HS6ST1: variants seen among roughly 807,000 people sequenced by gnomAD.
HS6ST1 encodes heparan-sulfate 6-O-sulfotransferase 1.
A neutral mutation model predicts 25.2 loss-of-function variants in HS6ST1; 3 were observed. That is an observed-to-expected ratio of 0.12 (90% CI 0.05 to 0.31). The LOEUF (loss-of-function observed/expected upper bound fraction) is 0.31, where lower values mean the gene tolerates loss of function less well. Among genes scored for constraint, HS6ST1 ranks in the 10% least tolerant of loss-of-function variants. The pLI is 1.00. For missense variants in HS6ST1, 310 were observed against 609.6 expected, an observed-to-expected ratio of 0.51 and a Z score of 5.18; for synonymous variants, 204 against 275.1, an observed-to-expected ratio of 0.74 and a Z score of 2.56.
intron 1 of HS6ST1, among the ~76,000 whole-genome samples, chr2:128,294,334 C>G (rs928960717): frequency 5.3e-5 from 8 of 152,216 alleles, no homozygotes; most frequent in African/African-American, 1.9e-4. Context: ...GCCCCGGGCC[C>G]TGCCCATGAA....
chr2:128,288,530 A>G (rs1267728493), intron 1 of HS6ST1, among the ~76,000 whole-genome samples: 1 of 152,218 alleles, frequency 6.6e-6, no homozygotes, highest in African/African-American at 2.4e-5. Flanking sequence ...TTGTGGGTAC[A>G]GCCTGATGCC....
chr2:128,286,695 C>T (rs1693867293), intron 1 of HS6ST1, among the ~76,000 whole-genome samples: 1 of 152,040 alleles, frequency 6.6e-6, no homozygotes, highest in African/African-American at 2.4e-5. Context: ...AAACAAGAGG[C>T]TTTATTAGCG....
At chr2:128,314,440 G>A (rs1020106798) in intron 1 of HS6ST1, among the ~76,000 whole-genome samples, 8 of 152,272 alleles carry the variant, frequency 5.3e-5, no homozygotes, top group Non-Finnish European at 7.4e-5. Context: ...CAGTCGAGGC[G>A]CCTAAGGCAA....
rs1693519368 is a variant in HS6ST1, at chr2:128,266,642, G to A, written c.*1520C>T. On this transcript the variant is annotated 3_prime_UTR_variant, in exon 2 of 2. Coordinates refer to ENST00000259241, the MANE Select transcript of HS6ST1 (RefSeq NM_004807.3). ...CAACTGTGGTGGCTGAGTGGAAGCT[G>A]GGGCAGGAGAGAGGACCCCCACCAA... 6.6e-6 allele frequency: 1 copy of A among 152,350 alleles called. No individual in the cohort carries two copies. Among genetic ancestry groups the A allele is most frequent in the Non-Finnish European group, 1.5e-5 (1 of 68,140 alleles). The allele number at this position is 152,350 out of a possible 1,614,324, so 9.4% of individuals were successfully genotyped here.
chr2:128,296,513 T>C (rs1323887625), intron 1 of HS6ST1, among the ~76,000 whole-genome samples: 2 of 152,258 alleles, frequency 1.3e-5, no homozygotes, highest in Admixed American at 1.3e-4. Context: ...ATAAACTAAC[T>C]TAACAATGTT....
intron 1 of HS6ST1, among the ~76,000 whole-genome samples, chr2:128,297,356 A>T (rs1478002827): frequency 6.6e-6 from 1 of 152,204 alleles, no homozygotes; most frequent in Non-Finnish European, 1.5e-5. Flanking sequence ...CTTATCTAAC[A>T]TTATACATAG....
At chr2:128,297,409 A>C (rs1694056574) in intron 1 of HS6ST1, among the ~76,000 whole-genome samples, 1 of 152,248 alleles carries the variant, frequency 6.6e-6, no homozygotes, top group Non-Finnish European at 1.5e-5. Context: ...TAAGACCTAA[A>C]ACTGTCAACT....
intron 1 of HS6ST1, among the ~76,000 whole-genome samples, chr2:128,296,962 C>A (rs1694047272): frequency 6.6e-6 from 1 of 152,060 alleles, no homozygotes; most frequent in Non-Finnish European, 1.5e-5. Flanking sequence ...TTTGGGAGGC[C>A]AATGAGGGAG....
intron 1 of HS6ST1, among the ~76,000 whole-genome samples, chr2:128,273,666 G>C (rs1693646667): frequency 1.3e-5 from 2 of 152,220 alleles, no homozygotes; most frequent in South Asian, 4.1e-4. Context: ...GCCATCCTCT[G>C]GTCTGGTGCC....
chr2:128,299,106 T>C (rs1241831526), intron 1 of HS6ST1, among the ~76,000 whole-genome samples: 1 of 152,174 alleles, frequency 6.6e-6, no homozygotes, highest in Non-Finnish European at 1.5e-5. Flanking sequence ...AGGGCCGAGG[T>C]GTGACCTAGC....
At position 128,280,731 on chromosome 2, in the gene HS6ST1, C is replaced by T. The variant is rs145539769; in HGVS notation, c.528-11861G>A. 8.6e-3 allele frequency among the ~76,000 whole-genome samples: 1,304 copies of T among 152,082 alleles called. 20 individuals carry two copies. The highest frequency in any genetic ancestry group is 0.028 in the African/African-American group (1,180 of 41,470). ...TTCATTAACTCAATCTGCTTCCAAA[C>T]ATACCCAGGTCTGGAGAGGGGCCCC... On this transcript the variant is annotated intron_variant, in intron 1 of 1. Transcript: ENST00000259241.
intron 1 of HS6ST1, among the ~76,000 whole-genome samples, chr2:128,283,019 GCTC>G (rs1693810213): frequency 6.6e-6 from 1 of 152,168 alleles, no homozygotes; most frequent in Non-Finnish European, 1.5e-5. Flanking sequence ...GACTCACTCA[GCTC>G]CTCCTCCAAA....
At chr2:128,311,045 T>C (rs1004495216) in intron 1 of HS6ST1, among the ~76,000 whole-genome samples, 22 of 152,258 alleles carry the variant, frequency 1.4e-4, no homozygotes, top group Admixed American at 8.5e-4. Flanking sequence ...GGGAGGCTTT[T>C]CCACTCCCTC....
At chr2:128,299,727 C>G (rs1205908748) in intron 1 of HS6ST1, among the ~76,000 whole-genome samples, 1 of 152,204 alleles carries the variant, frequency 6.6e-6, no homozygotes, top group Non-Finnish European at 1.5e-5. Context: ...AAGACCCCAG[C>G]TGGCGGAGAG....
At chr2:128,275,723 AG>A (rs1693685249) in intron 1 of HS6ST1, among the ~76,000 whole-genome samples, 1 of 152,242 alleles carries the variant, frequency 6.6e-6, no homozygotes, top group South Asian at 2.1e-4. Context: ...GCACGAATGC[AG>A]GGCGATCTGC....
chr2:128,286,758 G>A (rs988317146), intron 1 of HS6ST1, among the ~76,000 whole-genome samples: 1 of 152,254 alleles, frequency 6.6e-6, no homozygotes, highest in Non-Finnish European at 1.5e-5. Flanking sequence ...CTGCAAGCGG[G>A]TGAAAATCTT....
intron 1 of HS6ST1, among the ~76,000 whole-genome samples, chr2:128,303,372 G>A (rs546283912): frequency 2.6e-5 from 4 of 152,256 alleles, no homozygotes; most frequent in Non-Finnish European, 5.9e-5. Context: ...CACCCTGAGG[G>A]CTGAGGACAG....
At position 128,283,144 on chromosome 2, in the gene HS6ST1, G is replaced by C. The variant is rs910171426; in HGVS notation, c.528-14274C>G. Reference sequence around the variant, plus strand: ...ACCCCTGCGAGCCCACTTTCCTGCAGTTGAAAAAGGCCAGGACTCTCTGGC... The same window carrying C: ...ACCCCTGCGAGCCCACTTTCCTGCACTTGAAAAAGGCCAGGACTCTCTGGC... On this transcript the variant is annotated intron_variant, in intron 1 of 1. Transcript: ENST00000259241. Among the ~76,000 whole-genome samples, 4 of 152,356 alleles carry C rather than the reference G, an allele frequency of 2.6e-5. No homozygotes were observed. The East Asian group carries it at 5.8e-4, about 22-fold the overall frequency.
intron 1 of HS6ST1, among the ~76,000 whole-genome samples, chr2:128,281,549 T>G (rs957407945): frequency 6.6e-6 from 1 of 152,224 alleles, no homozygotes. Context: ...AGCAGTCACC[T>G]TGGACCATGA....
Sources: gnomAD v4.1 joint callset for allele counts (sites outside exome capture counted in the v4.1 genomes callset) on GRCh38, gnomAD v4.1.1 for gene constraint, MANE v1.5 for transcripts, NCBI Gene and HGNC (gene_info 2026-07-23, HGNC 2026-07-21) for gene names.